Variants in ARHGAP6 observed in about 807,000 individuals in gnomAD.
ARHGAP6 encodes the protein rho GTPase-activating protein 6.
In ARHGAP6, 16 loss-of-function variants were observed where a neutral mutation model predicts 55.7. The observed-to-expected ratio is 0.29, with a 90% CI of 0.19 to 0.44. The LOEUF (loss-of-function observed/expected upper bound fraction) is 0.44. Ranked by LOEUF, ARHGAP6 falls within the 20% of genes least tolerant of loss-of-function variation. The pLI, the probability that ARHGAP6 is intolerant of heterozygous loss-of-function variation, is 1.00. For missense variants in ARHGAP6, 698 were observed against 808.9 expected (o/e 0.86, Z 1.66); for synonymous variants, 382 against 360.9 (o/e 1.06, Z -0.66).
intron 10 of ARHGAP6, among the ~76,000 whole-genome samples, chrX:11,152,448 C>T (rs1469515305): frequency 8.9e-6 from 1 of 111,805 alleles, no homozygotes; most frequent in Non-Finnish European, 1.9e-5. Context: ...AAGCACCACC[C>T]CTCAGCCTGC....
chrX:11,604,575 C>T (rs2052012855), intron 1 of ARHGAP6, among the ~76,000 whole-genome samples: 1 of 111,856 alleles, frequency 8.9e-6, no homozygotes, highest in Admixed American at 9.4e-5. Context: ...GGGCTCAAAC[C>T]TAGCCTATCT....
At chrX:11,384,069 C>T (rs188238033) in intron 1 of ARHGAP6, among the ~76,000 whole-genome samples, 4 of 108,848 alleles carry the variant, frequency 3.7e-5, no homozygotes, top group African/African-American at 1.3e-4. Flanking sequence ...AAAGTATCTA[C>T]AGGATGGACA....
At chrX:11,649,004 G>A (rs971361797) in intron 1 of ARHGAP6, among the ~76,000 whole-genome samples, 1 of 112,283 alleles carries the variant, frequency 8.9e-6, no homozygotes, top group African/African-American at 3.2e-5. Flanking sequence ...GAAACCAACA[G>A]AGACATTCTC....
chrX:11,662,268 G>T (rs757351717), intron 1 of ARHGAP6, among the ~76,000 whole-genome samples: 3 of 111,894 alleles, frequency 2.7e-5, no homozygotes, highest in Admixed American at 9.5e-5. Flanking sequence ...CCTTTGAAAG[G>T]TAATCCAGGC....
At chrX:11,423,309 C>G (rs1341339861) in intron 1 of ARHGAP6, among the ~76,000 whole-genome samples, 1 of 112,616 alleles carries the variant, frequency 8.9e-6, no homozygotes, top group East Asian at 2.8e-4. Context: ...AATTATTAAG[C>G]AAACTTAATG....
chrX:11,543,248 T>A (rs2051178174), intron 1 of ARHGAP6, among the ~76,000 whole-genome samples: 1 of 113,031 alleles, frequency 8.8e-6, no homozygotes, highest in Non-Finnish European at 1.9e-5. Flanking sequence ...AGTGGCTTGA[T>A]TCATTTCAAG....
intron 10 of ARHGAP6, among the ~76,000 whole-genome samples, chrX:11,153,653 ATTCTCTGCCTTCT>A (rs2045821967): frequency 9.1e-6 from 1 of 109,654 alleles, no homozygotes; most frequent in Non-Finnish European, 1.9e-5. Context: ...TCATGACATC[ATTCTCTGCCTTCT>A]GGGCTGTTCC....
intron 1 of ARHGAP6, among the ~76,000 whole-genome samples, chrX:11,547,442 T>G (rs143959122): frequency 2.5e-3 from 274 of 111,443 alleles, no homozygotes; most frequent in Middle Eastern, 9.2e-3. Context: ...TGGCCCACAT[T>G]TGAAATACGA....
At chrX:11,395,967 A>T (rs2049472305) in intron 1 of ARHGAP6, among the ~76,000 whole-genome samples, 1 of 111,413 alleles carries the variant, frequency 9.0e-6, no homozygotes. Flanking sequence ...ATTTGTTTTT[A>T]AAAAAGAGAG....
chrX:11,427,809 G>A (rs945282199), intron 1 of ARHGAP6: 3 of 740,311 alleles, frequency 4.1e-6, no homozygotes, highest in Non-Finnish European at 4.7e-6. Flanking sequence ...CGAAGGGGGA[G>A]GGGGAAGAGG....
intron 2 of ARHGAP6, among the ~76,000 whole-genome samples, chrX:11,213,808 A>G (rs1443038913): frequency 1.8e-5 from 2 of 111,937 alleles, no homozygotes; most frequent in East Asian, 5.6e-4. Flanking sequence ...GGTGATGGGA[A>G]CACTAAAAGC....
intron 1 of ARHGAP6, among the ~76,000 whole-genome samples, chrX:11,431,612 T>C (rs1306819520): frequency 8.9e-6 from 1 of 111,780 alleles, no homozygotes; most frequent in African/African-American, 3.3e-5. Context: ...TGAGACCCTC[T>C]AAGATGGGGA....
intron 1 of ARHGAP6, among the ~76,000 whole-genome samples, chrX:11,412,064 C>T (rs1437240561): frequency 9.0e-6 from 1 of 111,425 alleles, no homozygotes; most frequent in Admixed American, 9.6e-5. Context: ...AAAAATATAT[C>T]TCTCCTTTAA....
chrX:11,463,692 C>T (rs931048354), intron 1 of ARHGAP6, among the ~76,000 whole-genome samples: 1 of 111,852 alleles, frequency 8.9e-6, no homozygotes, highest in Non-Finnish European at 1.9e-5. Context: ...AGTGTGTCCC[C>T]CTGGGAGTGC....
At chrX:11,356,432 C>A in intron 1 of ARHGAP6, among the ~76,000 whole-genome samples, 1 of 111,834 alleles carries the variant, frequency 8.9e-6, no homozygotes, top group Non-Finnish European at 1.9e-5. Flanking sequence ...AGCAAAATAA[C>A]AAACACACAA....
At chrX:11,642,005 G>A (rs917002134) in intron 1 of ARHGAP6, among the ~76,000 whole-genome samples, 3 of 111,563 alleles carry the variant, frequency 2.7e-5, no homozygotes, top group Admixed American at 9.5e-5. Context: ...TTGACAGACC[G>A]ATTTTACCCT....
intron 6 of ARHGAP6, 93 bp downstream of exon 6, chrX:11,181,970 A>G (rs1306213664): frequency 1.3e-6 from 1 of 741,180 alleles, no homozygotes; most frequent in Non-Finnish European, 2.0e-6. Context: ...AAAAAAGATA[A>G]TCAAAATGGA....
intron 1 of ARHGAP6, among the ~76,000 whole-genome samples, chrX:11,335,393 C>T (rs2048619781): frequency 9.0e-6 from 1 of 110,825 alleles, no homozygotes; most frequent in Admixed American, 9.6e-5. Flanking sequence ...CGTGACAGGC[C>T]CCGGTGTGTA....
At chrX:11,484,586 A>G (rs1274952880) in intron 1 of ARHGAP6, among the ~76,000 whole-genome samples, 1 of 109,932 alleles carries the variant, frequency 9.1e-6, no homozygotes, top group Admixed American at 9.7e-5. Flanking sequence ...GAGAAGAAGA[A>G]AAGGAAAAGA....
Sources: gnomAD v4.1 joint callset for allele counts (sites outside exome capture counted in the v4.1 genomes callset) on GRCh38, gnomAD v4.1.1 for gene constraint, MANE v1.5 for transcripts, NCBI Gene and HGNC (gene_info 2026-07-23, HGNC 2026-07-21) for gene names.